The following SENP6 variants were observed in gnomAD, a reference collection of about 807,000 sequenced individuals.
SENP6 encodes SUMO specific peptidase 6.
SENP6 carries 41 observed loss-of-function variants against 134.5 expected under a neutral mutation model. That is an observed-to-expected ratio of 0.30 (90% CI 0.24 to 0.40). The LOEUF is 0.40. SENP6 is among the 10% of genes least tolerant of loss of function. SENP6 has a pLI of 1.00. For synonymous variants in SENP6, 395 were observed against 429.8 expected, an observed-to-expected ratio of 0.92 and a Z score of 1.00; for missense variants, 1,248 against 1,312.5, an observed-to-expected ratio of 0.95 and a Z score of 0.76.
chr6:75,624,327 T>G (rs1215363408), intron 3 of SENP6, among the ~76,000 whole-genome samples: 3 of 152,218 alleles, frequency 2.0e-5, no homozygotes, highest in African/African-American at 7.2e-5. Context: ...CACCTATTGA[T>G]GGATATTTAC....
intron 7 of SENP6, among the ~76,000 whole-genome samples, chr6:75,654,082 G>C (rs1304390529): frequency 6.6e-6 from 1 of 152,112 alleles, no homozygotes; most frequent in East Asian, 1.9e-4. Flanking sequence ...AAATTAGCCA[G>C]GTGTGGTTAT....
intron 7 of SENP6, among the ~76,000 whole-genome samples, chr6:75,652,349 T>A (rs556988036): frequency 2.0e-5 from 3 of 152,078 alleles, no homozygotes; most frequent in South Asian, 4.2e-4. Flanking sequence ...TCTTTTTTTT[T>A]AAATAAATGT....
chr6:75,662,850 C>T (rs1028449892), intron 8 of SENP6, among the ~76,000 whole-genome samples: 5 of 152,054 alleles, frequency 3.3e-5, no homozygotes, highest in Non-Finnish European at 7.4e-5. Flanking sequence ...ATTATAGATA[C>T]TAAAGTAATG....
intron 5 of SENP6, among the ~76,000 whole-genome samples, chr6:75,639,340 A>G (rs1291001481): frequency 6.6e-6 from 1 of 152,130 alleles, no homozygotes; most frequent in Non-Finnish European, 1.5e-5. Context: ...AAAATTTCAG[A>G]TATATTAATG....
At chr6:75,670,837 G>C in intron 11 of SENP6, 117 bp downstream of exon 11, 1 of 429,712 alleles carries the variant, frequency 2.3e-6, no homozygotes, top group East Asian at 5.6e-5. Context: ...ATATCAGTTA[G>C]TTCAAGATTT....
chr6:75,688,916 A>G (rs953637114), intron 16 of SENP6, among the ~76,000 whole-genome samples: 17 of 152,200 alleles, frequency 1.1e-4, no homozygotes, highest in Admixed American at 8.5e-4. Context: ...AAAATACAAA[A>G]TTAGCCAGGT....
chr6:75,675,374 A>G (rs1241815175), intron 11 of SENP6, 61 bp from the exon 12 acceptor site: 3 of 971,362 alleles, frequency 3.1e-6, no homozygotes, highest in Admixed American at 5.1e-5. Context: ...ATTTGAATAA[A>G]AAAGTGAAGC....
intron 16 of SENP6, chr6:75,679,175 A>C (rs913198054): frequency 9.6e-6 from 3 of 312,542 alleles, no homozygotes; most frequent in African/African-American, 6.7e-5. Context: ...ACACTTTGGG[A>C]GGTCAAGGTG....
chr6:75,709,905 A>G (rs1342772690), intron 20 of SENP6, among the ~76,000 whole-genome samples: 4 of 152,238 alleles, frequency 2.6e-5, no homozygotes, highest in Non-Finnish European at 1.5e-5. Flanking sequence ...TTTGGATCAT[A>G]TCTTAAAAAA....
intron 18 of SENP6, among the ~76,000 whole-genome samples, chr6:75,701,411 A>G (rs972747900): frequency 3.9e-5 from 6 of 152,180 alleles, no homozygotes; most frequent in African/African-American, 1.2e-4. Context: ...ACTAATACTT[A>G]AATTTTTGTG....
At chr6:75,712,049 T>A (rs1406071863) in intron 21 of SENP6, among the ~76,000 whole-genome samples, 1 of 152,208 alleles carries the variant, frequency 6.6e-6, no homozygotes, top group Non-Finnish European at 1.5e-5. Flanking sequence ...ATCAAAACAG[T>A]AACATGGGGT....
intron 16 of SENP6, among the ~76,000 whole-genome samples, chr6:75,691,286 G>T (rs1003898826): frequency 6.6e-6 from 1 of 151,936 alleles, no homozygotes; most frequent in African/African-American, 2.4e-5. Context: ...GGGACTACAT[G>T]TGCGAGCTAC....
chr6:75,709,716 T>A lies in SENP6; in HGVS notation c.2820+86T>A, dbSNP rs552578045. 2.2e-4 allele frequency: 192 copies of A among 866,178 alleles called. No individual in the cohort carries two copies. The African/African-American group carries it at 3.0e-3, about 14-fold the overall frequency. The allele number at this position is 866,178 out of a possible 1,614,324, so 53.7% of individuals were successfully genotyped here. ...TGAACATGGTGGTGCACACCTGTAG[T>A]CCCAGTGACTTGGGAGGCTAAGGCA... On this transcript the variant is annotated intron_variant, in intron 20 of 23. Transcript: ENST00000447266.
chr6:75,702,944 A>G lies in SENP6; in HGVS notation c.2588A>G (p.Lys863Arg). 6.2e-7 allele frequency: 1 copy of G among 1,614,152 alleles called. No homozygotes were observed. Among genetic ancestry groups the G allele is most frequent in the Admixed American group, 1.7e-5 (1 of 60,028 alleles). The part of the protein sequence containing the change: ...NICSVKYSVK[K>R]INHTASENEE... ...TGCAGTGTAAAATACAGTGTGAAAA[A>G]AATAAATCATACTGCGAGTGAAAAT... Residue 863 changes from lysine to arginine, a missense_variant, in exon 19 of 24, where the codon AAA (lysine) becomes AGA (arginine). Around this residue, in one of 3 missense-constraint regions of SENP6, gnomAD observed 386 missense variants for 395.0 expected, o/e 0.98. Transcript: ENST00000447266.
chr6:75,717,772 C>CG lies in SENP6; in HGVS notation c.*2178_*2179insG, dbSNP rs1406263091. 6.6e-6 allele frequency: 1 copy of CG among 152,146 alleles called. No homozygotes were observed. Among genetic ancestry groups the CG allele is most frequent in the Admixed American group, 6.5e-5 (1 of 15,274 alleles). 9.4% of individuals were successfully genotyped at this position (152,146 alleles called of 1,614,324 possible). On this transcript the variant is annotated 3_prime_UTR_variant, in exon 24 of 24. Transcript: ENST00000447266. ...GTTACTAGACACTGAAACTGCATGA[C>CG]AAGTATCTGGTGTCTTAACTAATTA...
rs1404661353 is a variant in SENP6, at chr6:75,644,855, G to A, written c.480-2876G>A. On this transcript the variant is annotated intron_variant, in intron 6 of 23. Transcript: ENST00000447266. ...GTTGGTTTCTTTTTTGACGTGTGATGGCAATATTAAGGTGTTGACATTAGG... is the reference window on the plus strand; with the variant it reads ...GTTGGTTTCTTTTTTGACGTGTGATAGCAATATTAAGGTGTTGACATTAGG... Among the ~76,000 whole-genome samples the A allele has an allele frequency of 2.0e-5, 3 of 152,126 alleles. No individual in the cohort carries two copies. The East Asian group carries it at 5.8e-4, about 29-fold the overall frequency.
intron 7 of SENP6, among the ~76,000 whole-genome samples, chr6:75,658,477 A>G (rs1006646431): frequency 1.3e-5 from 2 of 152,252 alleles, no homozygotes; most frequent in Middle Eastern, 3.4e-3. Flanking sequence ...TTTTAGAAAC[A>G]TGTTTGGCCT....
At chr6:75,695,294 A>C (rs1442884980) in intron 16 of SENP6, among the ~76,000 whole-genome samples, 1 of 152,204 alleles carries the variant, frequency 6.6e-6, no homozygotes, top group Non-Finnish European at 1.5e-5. Context: ...AAAACATTAG[A>C]TCTTTATGTT....
At chr6:75,608,258 C>T (rs1222202380) in intron 1 of SENP6, among the ~76,000 whole-genome samples, 1 of 151,896 alleles carries the variant, frequency 6.6e-6, no homozygotes, top group Non-Finnish European at 1.5e-5. Flanking sequence ...CCCAGGAGTT[C>T]AAGACCAGCC....
Sources: gnomAD v4.1 joint callset for allele counts (sites outside exome capture counted in the v4.1 genomes callset) on GRCh38, gnomAD v4.1.1 for gene constraint, gnomAD v4.1.1 regional missense constraint, MANE v1.5 for transcripts, NCBI Gene and HGNC (gene_info 2026-07-23, HGNC 2026-07-21) for gene names.